Variants in CMSS1 observed in about 807,000 individuals in gnomAD.
The protein encoded by CMSS1 is protein CMSS1.
In CMSS1, 33 loss-of-function variants were observed where a neutral mutation model predicts 43.5. That is an observed-to-expected ratio of 0.76 (90% CI 0.57 to 1.01). The LOEUF is 1.01. CMSS1 is among the 50% of genes least tolerant of loss of function. The pLI is 0.00. For synonymous variants in CMSS1, 115 were observed against 117.2 expected, an observed-to-expected ratio of 0.98 and a Z score of 0.12; for missense variants, 313 against 326.4, an observed-to-expected ratio of 0.96 and a Z score of 0.32.
At chr3:100,010,865 G>A (rs1412242501) in intron 1 of CMSS1, among the ~76,000 whole-genome samples, 5 of 141,754 alleles carry the variant, frequency 3.5e-5, no homozygotes, top group African/African-American at 1.3e-4. Flanking sequence ...CTGACCTCAT[G>A]ATCCGCCTGC....
chr3:100,119,671 T>A (rs2066603997), intron 1 of CMSS1, among the ~76,000 whole-genome samples: 1 of 152,164 alleles, frequency 6.6e-6, no homozygotes, highest in African/African-American at 2.4e-5. Context: ...GGAAAGCAAC[T>A]TCAGAACAGC....
intron 1 of CMSS1, among the ~76,000 whole-genome samples, chr3:99,951,660 A>G (rs957399280): frequency 1.3e-5 from 2 of 152,182 alleles, no homozygotes; most frequent in African/African-American, 4.8e-5. Context: ...AGTCCCCACT[A>G]TGTTGGGCTT....
At position 99,836,658 on chromosome 3, in the gene CMSS1, G is replaced by T. The variant is rs559079122; in HGVS notation, c.64+18615G>T. Reference sequence around the variant, plus strand: ...CATGTGCCCACATCCTCTGCACAAGGCCACTCTATCTTAATGATAAGAATA... The same window carrying T: ...CATGTGCCCACATCCTCTGCACAAGTCCACTCTATCTTAATGATAAGAATA... On this transcript the variant is annotated intron_variant, in intron 1 of 9. Transcript: ENST00000421999. 2.5e-4 allele frequency among the ~76,000 whole-genome samples: 38 copies of T among 152,256 alleles called. No individual in the cohort carries two copies. The South Asian group carries it at 6.4e-3, about 26-fold the overall frequency.
intron 1 of CMSS1, among the ~76,000 whole-genome samples, chr3:100,090,535 A>G (rs368355426): frequency 7.6e-4 from 115 of 152,286 alleles, no homozygotes; most frequent in African/African-American, 2.7e-3. Flanking sequence ...AGGCCCTCCC[A>G]GTGGTAGGTT....
At chr3:100,038,781 G>A (rs756653633) in intron 1 of CMSS1, among the ~76,000 whole-genome samples, 16 of 152,142 alleles carry the variant, frequency 1.1e-4, no homozygotes, top group Admixed American at 2.6e-4. Context: ...GATTACAGGT[G>A]CCAAGCCACG....
intron 1 of CMSS1, among the ~76,000 whole-genome samples, chr3:99,904,364 G>A (rs1282682351): frequency 6.6e-6 from 1 of 152,162 alleles, no homozygotes; most frequent in Non-Finnish European, 1.5e-5. Flanking sequence ...ACCATTTTCA[G>A]TAGTAGAATC....
At chr3:99,820,042 CG>C (rs2107472965) in intron 1 of CMSS1, among the ~76,000 whole-genome samples, 1 of 151,990 alleles carries the variant, frequency 6.6e-6, no homozygotes, top group South Asian at 2.1e-4. Flanking sequence ...CGTGAGCCAC[CG>C]TGCCTGGCCC....
chr3:99,882,968 C>G (rs1705776721), intron 1 of CMSS1, among the ~76,000 whole-genome samples: 1 of 152,210 alleles, frequency 6.6e-6, no homozygotes, highest in Non-Finnish European at 1.5e-5. Context: ...ATATAAATTT[C>G]TGTGTTATCA....
chr3:99,901,352 A>C (rs1433708768), intron 1 of CMSS1, among the ~76,000 whole-genome samples: 1 of 152,216 alleles, frequency 6.6e-6, no homozygotes, highest in Non-Finnish European at 1.5e-5. Flanking sequence ...TTGTTGTCTC[A>C]GAAGATTAAT....
intron 1 of CMSS1, among the ~76,000 whole-genome samples, chr3:99,883,093 T>TA (rs1187427691): frequency 1.3e-5 from 2 of 152,220 alleles, no homozygotes; most frequent in Admixed American, 1.3e-4. Flanking sequence ...GTTTGGAAGA[T>TA]ATGTCAAAAG....
intron 1 of CMSS1, among the ~76,000 whole-genome samples, chr3:100,111,912 A>G (rs1301787254): frequency 6.6e-6 from 1 of 152,212 alleles, no homozygotes; most frequent in African/African-American, 2.4e-5. Context: ...AACAACATGC[A>G]CAATACACAG....
At chr3:99,830,625 C>T (rs775782838) in intron 1 of CMSS1, 7 of 456,080 alleles carry the variant, frequency 1.5e-5, no homozygotes, top group South Asian at 9.3e-5. Flanking sequence ...AACAAGAGAA[C>T]AAAAGGTAAT....
chr3:99,982,150 C>G (rs530877297), intron 1 of CMSS1, among the ~76,000 whole-genome samples: 1 of 151,970 alleles, frequency 6.6e-6, no homozygotes, highest in Non-Finnish European at 1.5e-5. Context: ...AATATAAGTG[C>G]TATATATTTC....
At chr3:99,852,033 C>T (rs752320300) in intron 1 of CMSS1, among the ~76,000 whole-genome samples, 1 of 152,246 alleles carries the variant, frequency 6.6e-6, no homozygotes, top group East Asian at 1.9e-4. Flanking sequence ...ATGATGACTA[C>T]TATGACATGC....
chr3:100,174,911 TAATG>T (rs1300766512), intron 8 of CMSS1, among the ~76,000 whole-genome samples: 1 of 152,094 alleles, frequency 6.6e-6, no homozygotes, highest in African/African-American at 2.4e-5. Context: ...CTCTTGTTAA[TAATG>T]AATGTATTTC....
chr3:100,106,656 A>C (rs1000708161), intron 1 of CMSS1, among the ~76,000 whole-genome samples: 2 of 152,182 alleles, frequency 1.3e-5, no homozygotes, highest in East Asian at 1.9e-4. Context: ...AAGCATATGC[A>C]TGCTCACCTG....
intron 1 of CMSS1, among the ~76,000 whole-genome samples, chr3:100,071,196 G>T (rs2065757809): frequency 1.3e-5 from 2 of 148,904 alleles, no homozygotes; most frequent in African/African-American, 2.5e-5. Flanking sequence ...TTTATGCTGG[G>T]GAAGTGGAGA....
chr3:99,890,589 A>C (rs1706052694), intron 1 of CMSS1, among the ~76,000 whole-genome samples: 1 of 151,748 alleles, frequency 6.6e-6, no homozygotes. Context: ...ATTTCTTTGA[A>C]TTTTTCTTCC....
At chr3:99,861,417 G>A (rs192261680) in intron 1 of CMSS1, among the ~76,000 whole-genome samples, 59 of 152,276 alleles carry the variant, frequency 3.9e-4, no homozygotes, top group African/African-American at 1.4e-3. Flanking sequence ...TCCTGAAAGT[G>A]CCTCCTAGTT....
Sources: gnomAD v4.1 joint callset for allele counts (sites outside exome capture counted in the v4.1 genomes callset) on GRCh38, gnomAD v4.1.1 for gene constraint, MANE v1.5 for transcripts, NCBI Gene and HGNC (gene_info 2026-07-23, HGNC 2026-07-21) for gene names.